The following CACNA1A variants were observed in gnomAD, a reference collection of about 807,000 sequenced individuals.
CACNA1A encodes voltage-dependent P/Q-type calcium channel subunit alpha-1A.
A neutral mutation model predicts 262.4 loss-of-function variants in CACNA1A; 57 were observed. The observed-to-expected ratio is 0.22, with a 90% CI of 0.18 to 0.27. CACNA1A has a LOEUF of 0.27. CACNA1A is among the 10% of genes least tolerant of loss of function. CACNA1A has a pLI of 1.00. For synonymous variants in CACNA1A, 1,431 were observed against 1,419.3 expected (o/e 1.01, Z -0.18); for missense variants, 2,526 against 3,562.8 (o/e 0.71, Z 7.41).
At chr19:13,443,558 G>A (rs559058234) in intron 3 of CACNA1A, among the ~76,000 whole-genome samples, 1 of 152,122 alleles carries the variant, frequency 6.6e-6, no homozygotes, top group East Asian at 1.9e-4. Context: ...TGCTGCTCAG[G>A]CTGGTCTCGA....
At chr19:13,477,408 C>T (rs1163614195) in intron 1 of CACNA1A, among the ~76,000 whole-genome samples, 1 of 152,206 alleles carries the variant, frequency 6.6e-6, no homozygotes, top group African/African-American at 2.4e-5. Context: ...TTGTCTGCTT[C>T]CTGTGTCTTG....
chr19:13,345,362 A>G (rs1460507097), intron 6 of CACNA1A, among the ~76,000 whole-genome samples: 5 of 151,648 alleles, frequency 3.3e-5, no homozygotes, highest in Admixed American at 6.6e-5. Flanking sequence ...TTCCCACTTC[A>G]CCCCTTCTCC....
intron 32 of CACNA1A, 52 bp from the exon 33 acceptor site, chr19:13,235,326 C>G: frequency 2.0e-6 from 3 of 1,484,108 alleles, no homozygotes; most frequent in South Asian, 1.2e-5. Flanking sequence ...CTCAGCCGCA[C>G]TGTCTTCCTC....
Position 13,241,583 on chromosome 19 carries a change from C to T in CACNA1A, c.4950+3599G>A. On this transcript the variant is annotated intron_variant, in intron 31 of 46. Transcript: ENST00000360228. The surrounding 1 kb of genome is among the most constrained non-coding windows in gnomAD (Gnocchi z 4.0). ...GGGCGGGCGGGGGCAGTTGGGGAGGCGTGTTCAGCATTTTTTAGGTTGATT... is the reference window on the plus strand; with the variant it reads ...GGGCGGGCGGGGGCAGTTGGGGAGGTGTGTTCAGCATTTTTTAGGTTGATT... The T allele has an allele frequency of 3.9e-6, 4 of 1,015,388 alleles. No homozygotes were observed. Among genetic ancestry groups the T allele is most frequent in the South Asian group, 2.7e-5 (2 of 73,708 alleles). 62.9% of individuals were successfully genotyped at this position (1,015,388 alleles called of 1,614,324 possible).
chr19:13,435,784 G>A (rs2144853030), intron 3 of CACNA1A, among the ~76,000 whole-genome samples: 1 of 152,238 alleles, frequency 6.6e-6, no homozygotes, highest in South Asian at 2.1e-4. Context: ...GAGCTTTGCT[G>A]CTGAACCTAC....
At chr19:13,351,004 G>C (rs905595116) in intron 6 of CACNA1A, among the ~76,000 whole-genome samples, 1 of 152,154 alleles carries the variant, frequency 6.6e-6, no homozygotes, top group Non-Finnish European at 1.5e-5. Flanking sequence ...CCAAAAAACT[G>C]GGATTAGGAG....
chr19:13,262,584 T>TAGC (rs536329977), intron 25 of CACNA1A, 150 bp downstream of exon 25: 2 of 623,398 alleles, frequency 3.2e-6, no homozygotes, highest in East Asian at 5.6e-5. Flanking sequence ...TGCTGGGAAG[T>TAGC]TGTAATAATA....
chr19:13,327,519 GAA>G (rs564901003), intron 10 of CACNA1A, among the ~76,000 whole-genome samples: 3 of 109,600 alleles, frequency 2.7e-5, no homozygotes, highest in African/African-American at 3.3e-5. Context: ...CTCCATCTCA[GAA>G]AAAAAAAAAA....
intron 31 of CACNA1A, among the ~76,000 whole-genome samples, chr19:13,240,281 G>A (rs1238686179): frequency 6.6e-6 from 1 of 152,090 alleles, no homozygotes; most frequent in Non-Finnish European, 1.5e-5. Context: ...TGCATAGACT[G>A]TGTGTGCAGT....
chr19:13,460,903 A>AT (rs1489049099), intron 1 of CACNA1A, among the ~76,000 whole-genome samples: 2 of 151,670 alleles, frequency 1.3e-5, no homozygotes, highest in African/African-American at 2.4e-5. Context: ...AGCATCTGCT[A>AT]TTTTTTTCCT....
intron 3 of CACNA1A, among the ~76,000 whole-genome samples, chr19:13,419,192 T>C (rs780738110): frequency 3.3e-5 from 5 of 152,330 alleles, no homozygotes; most frequent in Non-Finnish European, 7.4e-5. Flanking sequence ...GATACACAAA[T>C]ACTTACCATT....
chr19:13,503,105 C>T (rs192522722), intron 1 of CACNA1A, among the ~76,000 whole-genome samples: 10 of 152,234 alleles, frequency 6.6e-5, no homozygotes, highest in Admixed American at 6.5e-4. Flanking sequence ...GTGGCACAAA[C>T]AGAAATGACA....
chr19:13,307,947 C>T, intron 14 of CACNA1A, 93 bp from the exon 15 acceptor site: 2 of 1,406,144 alleles, frequency 1.4e-6, no homozygotes, highest in Non-Finnish European at 2.0e-6. Context: ...ACGAACGTCT[C>T]CATCATCTCT....
chr19:13,228,861 G>A (rs547067715), intron 36 of CACNA1A: 4 of 868,946 alleles, frequency 4.6e-6, no homozygotes, highest in South Asian at 1.5e-5. Context: ...GGCACACAGC[G>A]AGGTCATGAT....
chr19:13,209,469 A>G lies in CACNA1A; in HGVS notation c.6369T>C (p.Arg2123=). The change falls in exon 45 of 47, where the codon CGT becomes CGC. Residue 2123 remains arginine (R), a synonymous_variant. Coordinates refer to ENST00000360228, the MANE Select transcript of CACNA1A (RefSeq NM_001127222.2). ...STISDTSPMK[R]SASVLGPKAR... ...CCTTGGGGCCCAGCACGGAGGCTGA[A>G]CGCTTCATGGGGCTGGTGTCTGAGA... 7.4e-7 allele frequency: 1 copy of G among 1,353,492 alleles called. No individual in the cohort carries two copies. Among genetic ancestry groups the G allele is most frequent in the Non-Finnish European group, 9.6e-7 (1 of 1,047,012 alleles). The allele number at this position is 1,353,492 out of a possible 1,614,324, so 83.8% of individuals were successfully genotyped here. A position where few individuals can be genotyped will look rare whatever the true frequency, so the allele number is the denominator to read the frequency against.
At chr19:13,209,094 G>C in intron 45 of CACNA1A, 85 bp from the exon 46 acceptor site, 4 of 1,516,866 alleles carry the variant, frequency 2.6e-6, no homozygotes, top group Non-Finnish European at 3.5e-6. Flanking sequence ...CCACCTGGAA[G>C]GTGTGGGGGC....
chr19:13,227,517 G>T lies in CACNA1A; in HGVS notation c.5539C>A (p.Pro1847Thr). Residue 1847 changes from proline to threonine, a missense_variant, in exon 37 of 47, where the codon CCT becomes ACT. Pro to Thr is a conservative substitution (Grantham distance 38, BLOSUM62 -1). Coordinates refer to ENST00000360228, the MANE Select transcript of CACNA1A (RefSeq NM_001127222.2). ...EYDPAAWGRM[P>T]YLDMYQMLRH... is the part of the protein sequence containing the mutation. ...AGCATCTGATACATGTCCAGGTAAGGCATGCGGCCCCTGGCAGCACCGAAA... is the reference window on the plus strand; with the variant it reads ...AGCATCTGATACATGTCCAGGTAAGTCATGCGGCCCCTGGCAGCACCGAAA... 1.3e-6 allele frequency: 2 copies of T among 1,580,034 alleles called. No individual in the cohort carries two copies. Among genetic ancestry groups the T allele is most frequent in the Non-Finnish European group, 1.7e-6 (2 of 1,161,440 alleles).
intron 3 of CACNA1A, among the ~76,000 whole-genome samples, chr19:13,388,552 C>T (rs750751223): frequency 6.6e-6 from 1 of 152,046 alleles, no homozygotes; most frequent in Non-Finnish European, 1.5e-5. Context: ...CACCCCCTGG[C>T]GAGAAAACTA....
chr19:13,262,679 T>C, intron 25 of CACNA1A, 55 bp downstream of exon 25: 4 of 1,089,664 alleles, frequency 3.7e-6, no homozygotes, highest in South Asian at 2.6e-5. Context: ...TGCTCAGCTG[T>C]ACATGATAAC....
Sources: allele counts gnomAD v4.1 joint callset (sites outside exome capture counted in the v4.1 genomes callset), GRCh38; gene constraint gnomAD v4.1.1; non-coding constraint Gnocchi (gnomAD v3.1); transcripts MANE v1.5; gene names NCBI Gene and HGNC (gene_info 2026-07-23, HGNC 2026-07-21).